The following C1GALT1 variants were observed in gnomAD, a reference collection of about 807,000 sequenced individuals.
The protein encoded by C1GALT1 is glycoprotein-N-acetylgalactosamine 3-beta-galactosyltransferase 1.
In C1GALT1, 11 loss-of-function variants were observed where a neutral mutation model predicts 31.0. The observed-to-expected ratio is 0.36, with a 90% CI of 0.22 to 0.59. The LOEUF (loss-of-function observed/expected upper bound fraction) is 0.59. Among genes scored for constraint, C1GALT1 ranks in the 20% least tolerant of loss-of-function variants. C1GALT1 has a pLI of 0.79. For missense variants in C1GALT1, 424 were observed against 425.2 expected (o/e 1.00, Z 0.03); for synonymous variants, 175 against 143.6 (o/e 1.22, Z -1.56).
rs1271406543 is a variant in C1GALT1 at position 7,246,170 on chromosome 7, C to T, written c.*2443C>T. On this transcript the variant is annotated 3_prime_UTR_variant, in exon 4 of 4. Transcript: ENST00000436587. Reference sequence around the variant, plus strand: ...ATAATCTGTGTATAATAGTGTTAATCCTCAAAATTTGGGTGTTATACCCCT... The same window carrying T: ...ATAATCTGTGTATAATAGTGTTAATTCTCAAAATTTGGGTGTTATACCCCT... The T allele has an allele frequency of 6.6e-6, 1 of 152,004 alleles. No individual in the cohort carries two copies. The highest frequency in any genetic ancestry group is 1.5e-5 in the Non-Finnish European group (1 of 68,012). The allele number at this position is 152,004 out of a possible 1,614,324, so 9.4% of individuals were successfully genotyped here. A position where few individuals can be genotyped will look rare whatever the true frequency, so the allele number is the denominator to read the frequency against.
intron 1 of C1GALT1, among the ~76,000 whole-genome samples, chr7:7,217,104 CTGATGAA>C (rs1373378930): frequency 6.6e-6 from 1 of 152,148 alleles, no homozygotes. Context: ...ACTTACCAGT[CTGATGAA>C]TGAACTTCCT....
At chr7:7,187,858 G>C (rs1275870580) in intron 1 of C1GALT1, among the ~76,000 whole-genome samples, 1 of 152,162 alleles carries the variant, frequency 6.6e-6, no homozygotes, top group South Asian at 2.1e-4. Context: ...GACGAGGCTG[G>C]AAACCTGGAC....
rs1783881769 is a variant in C1GALT1 at position 7,247,175 on chromosome 7, T to C, written c.*3448T>C. The stretch of plus-strand genomic sequence containing the variant: ...ATTCATTCTGTTTTGTGTGACCTAA[T>C]AAAGCAAAAGAAAAATAAAAAAGCA... On this transcript the variant is annotated 3_prime_UTR_variant, in exon 4 of 4. Transcript: ENST00000436587. 6.6e-6 allele frequency: 1 copy of C among 152,154 alleles called. No individual in the cohort carries two copies. The highest frequency in any genetic ancestry group is 1.5e-5 in the Non-Finnish European group (1 of 68,002). The allele number at this position is 152,154 out of a possible 1,614,324, so 9.4% of individuals were successfully genotyped here.
intron 3 of C1GALT1, among the ~76,000 whole-genome samples, chr7:7,242,037 A>C (rs1783652260): frequency 6.6e-6 from 1 of 152,006 alleles, no homozygotes; most frequent in African/African-American, 2.4e-5. Flanking sequence ...ACAGTATAGT[A>C]GCCACTAAGT....
intron 3 of C1GALT1, 148 bp downstream of exon 3, chr7:7,239,070 A>G: frequency 3.0e-6 from 2 of 655,970 alleles, no homozygotes; most frequent in South Asian, 4.0e-5. Flanking sequence ...ATAACAAAAT[A>G]GATGAGAACA....
At chr7:7,214,401 C>G (rs1331725291) in intron 1 of C1GALT1, among the ~76,000 whole-genome samples, 2 of 152,046 alleles carry the variant, frequency 1.3e-5, no homozygotes, top group African/African-American at 4.8e-5. Context: ...CTGAGGAGAG[C>G]CTTTTTCCAG....
chr7:7,172,576 C>T (rs1246765665), intron 2 of C1GALT1, among the ~76,000 whole-genome samples: 1 of 152,162 alleles, frequency 6.6e-6, no homozygotes, highest in East Asian at 1.9e-4. Context: ...TCCCAAAACA[C>T]ATATGCTGGT....
chr7:7,216,583 A>G (rs1479486615), intron 1 of C1GALT1, among the ~76,000 whole-genome samples: 1 of 151,312 alleles, frequency 6.6e-6, no homozygotes, highest in East Asian at 2.0e-4. Flanking sequence ...ATTGCCTGCT[A>G]TTACGGCCCA....
At chr7:7,202,183 T>C (rs1002967208) in intron 1 of C1GALT1, among the ~76,000 whole-genome samples, 1 of 151,962 alleles carries the variant, frequency 6.6e-6, no homozygotes. Flanking sequence ...GCACTCAGAG[T>C]TTTTTGGCTG....
At chr7:7,178,458 G>T, upstream of C1GALT1, 1 of 162,878 alleles carries the variant, frequency 6.1e-6, no homozygotes. Context: ...TTCAAGACAT[G>T]GTTTAATTTT....
intron 1 of C1GALT1, among the ~76,000 whole-genome samples, chr7:7,232,493 T>TTTG (rs1562592857): frequency 8.4e-6 from 1 of 118,816 alleles, no homozygotes; most frequent in African/African-American, 5.0e-5. Flanking sequence ...GGTTTTTTTT[T>TTTG]TTTGTTTTTT....
Position 7,189,061 on chromosome 7 carries a change from A to T in C1GALT1, c.-18+6241A>T, listed in dbSNP as rs760883340. ...CTTTACATTTTCTGATGTTTAAAAAAATACCCAGTATACCTTATTAACAAT... is the reference window on the plus strand; with the variant it reads ...CTTTACATTTTCTGATGTTTAAAAATATACCCAGTATACCTTATTAACAAT... On this transcript the variant is annotated intron_variant, in intron 1 of 3. Coordinates refer to ENST00000436587, the MANE Select transcript of C1GALT1 (RefSeq NM_020156.5). Among the ~76,000 whole-genome samples, 9 of 152,204 alleles carry T rather than the reference A, an allele frequency of 5.9e-5. 1 individual carries two copies. Among genetic ancestry groups the T allele is most frequent in the Non-Finnish European group, 1.2e-4 (8 of 68,020 alleles).
intron 1 of C1GALT1, among the ~76,000 whole-genome samples, chr7:7,198,873 T>C (rs1469370341): frequency 6.6e-6 from 1 of 152,226 alleles, no homozygotes; most frequent in East Asian, 1.9e-4. Context: ...GTGGGATCGG[T>C]GGTGATATGC....
At chr7:7,190,269 G>C (rs1472275466) in intron 1 of C1GALT1, among the ~76,000 whole-genome samples, 1 of 152,142 alleles carries the variant, frequency 6.6e-6, no homozygotes, top group Non-Finnish European at 1.5e-5. Flanking sequence ...ATAAACATCA[G>C]GCCTGGGCTG....
upstream of C1GALT1, among the ~76,000 whole-genome samples, chr7:7,180,814 T>A (rs1583733837): frequency 6.6e-6 from 1 of 152,104 alleles, no homozygotes; most frequent in East Asian, 1.9e-4. Flanking sequence ...TGCTTCAGCC[T>A]TCAGCCCAGT....
At chr7:7,218,147 G>A (rs890820567) in intron 1 of C1GALT1, among the ~76,000 whole-genome samples, 1 of 152,148 alleles carries the variant, frequency 6.6e-6, no homozygotes, top group African/African-American at 2.4e-5. Flanking sequence ...ACCTTTAAAA[G>A]TTAGTTACAG....
intron 1 of C1GALT1, among the ~76,000 whole-genome samples, chr7:7,229,535 A>G (rs963079275): frequency 1.3e-5 from 2 of 152,178 alleles, no homozygotes; most frequent in Admixed American, 6.5e-5. Flanking sequence ...TAAAGGAAGG[A>G]CTTGTATAAT....
At chr7:7,230,047 T>C (rs1034010407) in intron 1 of C1GALT1, among the ~76,000 whole-genome samples, 1 of 152,218 alleles carries the variant, frequency 6.6e-6, no homozygotes, top group Non-Finnish European at 1.5e-5. Flanking sequence ...TCACCTCTCC[T>C]CTTCCTCTTA....
chr7:7,200,709 T>G (rs1226279847), intron 1 of C1GALT1, among the ~76,000 whole-genome samples: 2 of 152,170 alleles, frequency 1.3e-5, no homozygotes, highest in East Asian at 3.9e-4. Flanking sequence ...TTACTCTTCT[T>G]TCTCTAAACT....
Sources: allele counts gnomAD v4.1 joint callset (sites outside exome capture counted in the v4.1 genomes callset), GRCh38; gene constraint gnomAD v4.1.1; transcripts MANE v1.5; gene names NCBI Gene and HGNC (gene_info 2026-07-23, HGNC 2026-07-21).